The following OPCML variants were observed in gnomAD, a reference collection of about 807,000 sequenced individuals.
OPCML encodes the protein opioid binding protein/cell adhesion molecule like, also known as opioid-binding protein/cell adhesion molecule.
In OPCML, 13 loss-of-function variants were observed where a neutral mutation model predicts 37.8. The ratio of observed to expected loss-of-function variants is 0.34; its 90% CI spans 0.22 to 0.55. The LOEUF is 0.55. Ranked by LOEUF, OPCML falls within the 20% of genes least tolerant of loss-of-function variation. OPCML has a pLI of 0.91. For missense variants in OPCML, 341 were observed against 435.6 expected, an observed-to-expected ratio of 0.78 and a Z score of 1.93; for synonymous variants, 176 against 168.8, an observed-to-expected ratio of 1.04 and a Z score of -0.33.
chr11:133,096,933 T>C (rs1949012333), intron 1 of OPCML, among the ~76,000 whole-genome samples: 1 of 152,086 alleles, frequency 6.6e-6, no homozygotes, highest in African/African-American at 2.4e-5. Context: ...AACAGATGAA[T>C]CCATGATTAT....
intron 3 of OPCML, among the ~76,000 whole-genome samples, chr11:132,588,736 G>C (rs1466809348): frequency 6.6e-6 from 1 of 152,172 alleles, no homozygotes; most frequent in South Asian, 2.1e-4. Flanking sequence ...GTGTCTAACT[G>C]ATTGAGGAAA....
At chr11:132,525,789 G>A (rs577942714) in intron 4 of OPCML, 1 of 152,200 alleles carries the variant, frequency 6.6e-6, no homozygotes, top group Non-Finnish European at 1.5e-5. Context: ...ATGGTGGTTT[G>A]CTGCACCCAT....
At chr11:132,640,061 C>A (rs1014103975) in intron 3 of OPCML, among the ~76,000 whole-genome samples, 1 of 152,208 alleles carries the variant, frequency 6.6e-6, no homozygotes, top group Non-Finnish European at 1.5e-5. Context: ...ACAATAGGTA[C>A]TTTGTTGCTG....
intron 1 of OPCML, among the ~76,000 whole-genome samples, chr11:133,146,365 A>AGTG (rs1949897314): frequency 7.1e-6 from 1 of 140,558 alleles, no homozygotes; most frequent in Non-Finnish European, 1.5e-5. Flanking sequence ...CCCAGGCTGG[A>AGTG]GTGCAATGGC....
chr11:133,420,038 A>G (rs1945853005), intron 1 of OPCML, among the ~76,000 whole-genome samples: 1 of 152,256 alleles, frequency 6.6e-6, no homozygotes, highest in Non-Finnish European at 1.5e-5. Flanking sequence ...ATCAGGGAAA[A>G]TATTCTATGA....
chr11:132,523,615 T>C (rs2096300073), intron 4 of OPCML, among the ~76,000 whole-genome samples: 1 of 152,210 alleles, frequency 6.6e-6, no homozygotes, highest in Admixed American at 6.5e-5. Flanking sequence ...ATACAGTAGC[T>C]ATTTTTAAAA....
chr11:132,497,535 G>T (rs769044004), intron 4 of OPCML, among the ~76,000 whole-genome samples: 1 of 152,116 alleles, frequency 6.6e-6, no homozygotes, highest in Non-Finnish European at 1.5e-5. Flanking sequence ...ATGTCTCAGT[G>T]ATTCGGAAGC....
chr11:133,274,906 C>T (rs1941950340), intron 1 of OPCML, among the ~76,000 whole-genome samples: 1 of 152,208 alleles, frequency 6.6e-6, no homozygotes, highest in Non-Finnish European at 1.5e-5. Context: ...CCTGCCGTTT[C>T]TCAGGAATCC....
intron 1 of OPCML, among the ~76,000 whole-genome samples, chr11:133,038,923 C>T (rs1189981488): frequency 2.0e-5 from 3 of 152,066 alleles, no homozygotes; most frequent in Non-Finnish European, 2.9e-5. Flanking sequence ...AGCTACAAAG[C>T]GTCCTGCAGT....
At chr11:133,103,326 C>T (rs1949113218) in intron 1 of OPCML, among the ~76,000 whole-genome samples, 1 of 152,146 alleles carries the variant, frequency 6.6e-6, no homozygotes, top group Non-Finnish European at 1.5e-5. Flanking sequence ...TCACCAAAAT[C>T]CATGTTGTAT....
At chr11:133,286,694 G>A (rs1942309532) in intron 1 of OPCML, among the ~76,000 whole-genome samples, 1 of 152,256 alleles carries the variant, frequency 6.6e-6, no homozygotes, top group African/African-American at 2.4e-5. Flanking sequence ...CCATCTACCT[G>A]CACTAACCTC....
intron 1 of OPCML, among the ~76,000 whole-genome samples, chr11:133,481,482 T>A (rs540053591): frequency 1.3e-3 from 184 of 142,806 alleles, no homozygotes; most frequent in African/African-American, 4.6e-3. Flanking sequence ...TAAATAAATG[T>A]ATGTATGTAA....
At chr11:133,176,319 G>A (rs1172111295) in intron 1 of OPCML, among the ~76,000 whole-genome samples, 1 of 149,082 alleles carries the variant, frequency 6.7e-6, no homozygotes, top group Non-Finnish European at 1.5e-5. Context: ...AGAGAGCAAT[G>A]CAGTAGCCTT....
At chr11:133,505,613 T>C (rs561824237) in intron 1 of OPCML, among the ~76,000 whole-genome samples, 39 of 152,360 alleles carry the variant, frequency 2.6e-4, no homozygotes, top group African/African-American at 9.4e-4. Flanking sequence ...ACATTTTCCA[T>C]CTACTCAGTT....
intron 2 of OPCML, among the ~76,000 whole-genome samples, chr11:132,805,588 C>T (rs1486129414): frequency 1.3e-5 from 2 of 152,126 alleles, no homozygotes; most frequent in East Asian, 1.9e-4. Context: ...CTCATCAGAG[C>T]AATAGAGGAG....
chr11:132,659,626 A>T (rs914333523), intron 2 of OPCML, among the ~76,000 whole-genome samples: 6 of 152,168 alleles, frequency 3.9e-5, no homozygotes, highest in African/African-American at 1.4e-4. Flanking sequence ...AAAAATTGTA[A>T]GCTACAATTG....
At chr11:132,861,508 T>A (rs1942298609) in intron 2 of OPCML, among the ~76,000 whole-genome samples, 1 of 152,220 alleles carries the variant, frequency 6.6e-6, no homozygotes, top group African/African-American at 2.4e-5. Flanking sequence ...TGTGTCTCAC[T>A]TTGTCTGGCA....
At chr11:133,377,112 G>A (rs944241040) in intron 1 of OPCML, among the ~76,000 whole-genome samples, 5 of 152,212 alleles carry the variant, frequency 3.3e-5, no homozygotes, top group African/African-American at 9.6e-5. Flanking sequence ...AGGAGTGAAA[G>A]TTTGGGCCAT....
chr11:132,937,520 G>GGTGTGTGGT lies in OPCML; in HGVS notation c.146+5397_146+5405dup, dbSNP rs1229331336. Reference sequence around the variant, plus strand: ...AGTGTGTGTGTATGTGTGTCTGTGTGGTGTGTGGTGTGTGTGGTGTGTGTG... The same window carrying GGTGTGTGGT: ...AGTGTGTGTGTATGTGTGTCTGTGTGGTGTGTGGTGTGTGTGGTGTGTGTGGTGTGTGTG... On this transcript the variant is annotated intron_variant, in intron 2 of 7. Coordinates refer to ENST00000524381, the MANE Select transcript of OPCML (RefSeq NM_001012393.5). Among the ~76,000 whole-genome samples the GGTGTGTGGT allele has an allele frequency of 2.0e-5, 3 of 150,756 alleles. No individual in the cohort carries two copies. In the East Asian group the frequency reaches 5.8e-4, roughly 29 times the overall value.
Sources: gnomAD v4.1 joint callset for allele counts (sites outside exome capture counted in the v4.1 genomes callset) on GRCh38, gnomAD v4.1.1 for gene constraint, MANE v1.5 for transcripts, NCBI Gene and HGNC (gene_info 2026-07-23, HGNC 2026-07-21) for gene names.